Variants in PRXL2B observed in about 807,000 individuals in gnomAD.
PRXL2B encodes prostamide/prostaglandin F synthase.
In PRXL2B, 26 loss-of-function variants were observed where a neutral mutation model predicts 24.4. The observed-to-expected ratio is 1.07, with a 90% confidence interval of 0.78 to 1.48. PRXL2B has a LOEUF of 1.48. PRXL2B is among the 40% of genes most tolerant of loss of function. PRXL2B has a pLI of 0.00. For missense variants in PRXL2B, 269 were observed against 264.8 expected (o/e 1.02, Z -0.11); for synonymous variants, 115 against 118.9 (o/e 0.97, Z 0.21).
In PRXL2B at chr1:2,586,843, C is replaced by A. The variant is rs1354919477; in HGVS notation, c.-43C>A. 1.6e-6 allele frequency: 2 copies of A among 1,282,266 alleles called. No individual in the cohort carries two copies. The highest frequency in any genetic ancestry group is 2.0e-6 in the Non-Finnish European group (2 of 1,015,462). The allele number at this position is 1,282,266 out of a possible 1,614,324, so 79.4% of individuals were successfully genotyped here. A position where few individuals can be genotyped will look rare whatever the true frequency, so the allele number is the denominator to read the frequency against. The stretch of plus-strand genomic sequence containing the variant: ...GGAGCGAGGAGCCGGGAGCGGGGAA[C>A]AGGGAGTCGGGGAGCCGGGAACCAG... On this transcript the variant is annotated 5_prime_UTR_variant, in exon 1 of 7. Coordinates refer to ENST00000419916, the MANE Select transcript of PRXL2B (RefSeq NM_152371.5).
At chr1:2,589,305 G>A (rs1433521322) in intron 6 of PRXL2B, 105 bp from the exon 7 acceptor site, 10 of 1,472,942 alleles carry the variant, frequency 6.8e-6, no homozygotes, top group Admixed American at 1.9e-5. Context: ...GCAGAGAGGC[G>A]TGTCCTCTCA....
In PRXL2B at chr1:2,589,629, A is replaced by C; in HGVS notation, c.*202A>C. ...AGGCTCCGAGCCCTGCATCCTCCAC[A>C]GCCCCCGCCTTGCTCACTGTTGGGC... is the stretch of plus-strand genomic sequence containing the variant. On this transcript the variant is annotated 3_prime_UTR_variant, in exon 7 of 7. Transcript: ENST00000419916. 1.5e-6 allele frequency: 1 copy of C among 686,078 alleles called. No individual in the cohort carries two copies. 42.5% of individuals were successfully genotyped at this position (686,078 alleles called of 1,614,324 possible).
Position 2,590,924 on chromosome 1 carries a change from G to T in PRXL2B, c.*1497G>T. 1 of 1,245,348 alleles carries T rather than the reference G, an allele frequency of 8.0e-7. No individual in the cohort carries two copies. 77.1% of individuals were successfully genotyped at this position (1,245,348 alleles called of 1,614,324 possible). ...GACGTACACTGGGTCGCCGCTAGCT[G>T]CACCTTCGCACAGATGCCTCCGAGC... is the stretch of plus-strand genomic sequence containing the variant. On this transcript the variant is annotated 3_prime_UTR_variant, in exon 7 of 7. Coordinates refer to ENST00000419916, the MANE Select transcript of PRXL2B (RefSeq NM_152371.5).
chr1:2,587,520 C>T lies in PRXL2B; in HGVS notation c.269-221C>T, dbSNP rs1330548387. 1.3e-5 allele frequency among the ~76,000 whole-genome samples: 2 copies of T among 152,142 alleles called. No homozygotes were observed. The highest frequency in any genetic ancestry group is 3.9e-4 in the East Asian group (2 of 5,178). ...GCAGCAGAGTCTGGACGAGCTCTGC[C>T]CCGCCGGCTCCACCTGTTGCCTCTG... is the stretch of plus-strand genomic sequence containing the variant. On this transcript the variant is annotated intron_variant, in intron 2 of 6. Coordinates refer to ENST00000419916, the MANE Select transcript of PRXL2B (RefSeq NM_152371.5). The surrounding 1 kb of genome is among the most constrained non-coding windows in gnomAD (Gnocchi z 6.1).
intron 5 of PRXL2B, 88 bp downstream of exon 5, chr1:2,588,713 C>T (rs577899276): frequency 1.4e-6 from 2 of 1,441,504 alleles, no homozygotes; most frequent in East Asian, 2.3e-5. Context: ...TCTGGCTTGT[C>T]AGTCTCATCA....
chr1:2,590,890 CCGGGG>C lies in PRXL2B; in HGVS notation c.*1468_*1472del. The C allele has an allele frequency of 1.0e-6, 1 of 961,604 alleles. No homozygotes were observed. The highest frequency in any genetic ancestry group is 1.4e-6 in the Non-Finnish European group (1 of 713,414). 59.6% of individuals were successfully genotyped at this position (961,604 alleles called of 1,614,324 possible). On this transcript the variant is annotated 3_prime_UTR_variant, in exon 7 of 7. Coordinates refer to ENST00000419916, the MANE Select transcript of PRXL2B (RefSeq NM_152371.5). ...TGGCAGGCAGGCTTGGCATGGTTGG[CCGGGG>C]CGGGACGTACACTGGGTCGCCGCTA...
chr1:2,587,717 A>C lies in PRXL2B; in HGVS notation c.269-24A>C. 1.3e-6 allele frequency: 2 copies of C among 1,594,380 alleles called. No homozygotes were observed. Among genetic ancestry groups the C allele is most frequent in the South Asian group, 1.1e-5 (1 of 87,850 alleles). On this transcript the variant is annotated intron_variant, in intron 2 of 6. Transcript: ENST00000419916. This position sits in a 1 kb window ranked among gnomAD's most constrained non-coding sequence, Gnocchi z 6.1. The stretch of plus-strand genomic sequence containing the variant: ...GGGGCTGGTTCTGCGCCTGGGGCAC[A>C]CACATGTGGCTTCCGCTTTCCAGAG...
intron 3 of PRXL2B, among the ~76,000 whole-genome samples, chr1:2,588,153 C>G (rs1009571881): frequency 6.6e-6 from 1 of 152,154 alleles, no homozygotes; most frequent in Non-Finnish European, 1.5e-5. Flanking sequence ...AGCCTGGGGC[C>G]CCATCCATGC....
intron 5 of PRXL2B, 97 bp downstream of exon 5, chr1:2,588,722 C>A: frequency 7.2e-7 from 1 of 1,384,068 alleles, no homozygotes; most frequent in Non-Finnish European, 1.0e-6. Flanking sequence ...TCAGTCTCAT[C>A]ACAGCCCCTC....
In PRXL2B at chr1:2,587,107, G is replaced by T. The variant is rs927541533; in HGVS notation, c.80G>T (p.Ser27Ile). The change falls in exon 2 of 7, where the codon AGC (serine) becomes ATC (isoleucine). Residue 27 changes from serine (S) to isoleucine (I), a missense_variant. Coordinates refer to ENST00000419916, the MANE Select transcript of PRXL2B (RefSeq NM_152371.5). This position sits in a 1 kb window ranked among gnomAD's most constrained non-coding sequence, Gnocchi z 6.1. ...AVTGEAVELR[S>I]LWREHACVVA... ...GCCCGGCAGGCCGTGGAGCTGCGGAGCCTGTGGCGGGAGCACGCGTGCGTG... is the reference window on the plus strand; with the variant it reads ...GCCCGGCAGGCCGTGGAGCTGCGGATCCTGTGGCGGGAGCACGCGTGCGTG... The T allele has an allele frequency of 3.9e-6, 6 of 1,540,994 alleles. No individual in the cohort carries two copies. In the African/African-American group the frequency reaches 6.9e-5, roughly 18 times the overall value.
chr1:2,587,755 G>A lies in PRXL2B; in HGVS notation c.283G>A (p.Glu95Lys), dbSNP rs1444380818. The A allele has an allele frequency of 6.2e-7, 1 of 1,604,350 alleles. No individual in the cohort carries two copies. Among genetic ancestry groups the A allele is most frequent in the East Asian group, 2.2e-5 (1 of 44,554 alleles). The change falls in exon 3 of 7, where the codon GAG (glutamate) becomes AAG (lysine). Residue 95 changes from glutamate to lysine, a missense_variant. Physicochemically the swap from Glu to Lys is moderately conservative, Grantham distance 56 (BLOSUM62 1). Transcript: ENST00000419916. The surrounding 1 kb of genome is among the most constrained non-coding windows in gnomAD (Gnocchi z 6.1). ...DYFAGELYLD[E>K]SKQLYKELGF... ...CCGCTTTCCAGAGCTCTACCTGGAT[G>A]AGAGCAAGCAGCTTTACAAGGAGCT...
intron 6 of PRXL2B, 34 bp from the exon 7 acceptor site, chr1:2,589,376 C>G: frequency 6.2e-7 from 1 of 1,610,942 alleles, no homozygotes; most frequent in Non-Finnish European, 8.5e-7. Flanking sequence ...GATCCAGTGT[C>G]CAGCGGCCCC....
intron 6 of PRXL2B, 151 bp from the exon 7 acceptor site, chr1:2,589,258 CT>C: frequency 8.1e-7 from 1 of 1,236,102 alleles, no homozygotes; most frequent in East Asian, 2.3e-5. Context: ...CACCTTGGGA[CT>C]GTCCTCAGAG....
chr1:2,588,241 C>G, intron 3 of PRXL2B, 149 bp from the exon 4 acceptor site: 1 of 960,610 alleles, frequency 1.0e-6, no homozygotes, highest in Non-Finnish European at 1.5e-6. Flanking sequence ...GGGCTGGCTA[C>G]TGATCTGGTC....
rs1644550430 is a variant in PRXL2B at position 2,587,377 on chromosome 1, G to A, written c.268+82G>A. The A allele has an allele frequency of 2.7e-6, 4 of 1,462,168 alleles. No individual in the cohort carries two copies. Among genetic ancestry groups the A allele is most frequent in the South Asian group, 2.4e-5 (2 of 81,964 alleles). The allele number at this position is 1,462,168 out of a possible 1,614,324, so 90.6% of individuals were successfully genotyped here. On this transcript the variant is annotated intron_variant, in intron 2 of 6. Coordinates refer to ENST00000419916, the MANE Select transcript of PRXL2B (RefSeq NM_152371.5). This position sits in a 1 kb window ranked among gnomAD's most constrained non-coding sequence, Gnocchi z 6.1. ...TCGGGGCCCTTTCCTGCCCAACCCC[G>A]GCCCTTCTGTCTGCTGGAGCGGCCT...
Position 2,589,034 on chromosome 1 carries a change from G to T in PRXL2B, c.573G>T (p.Pro191=). ...GISAEVCASD[P]PQCDREV ...CTGCGGAGGTCTGTGCCAGCGACCC[G>T]CCTCAGGTGAGCTGGGCCTTGGGGG... The change falls in exon 6 of 7, where the codon CCG becomes CCT. Residue 191 remains proline (P), a synonymous_variant. Transcript: ENST00000419916. 1 of 1,612,562 alleles carries T rather than the reference G, an allele frequency of 6.2e-7. No individual in the cohort carries two copies. The highest frequency in any genetic ancestry group is 8.5e-7 in the Non-Finnish European group (1 of 1,179,620).
At position 2,588,980 on chromosome 1, in the gene PRXL2B, G is replaced by A. The variant is rs755758710; in HGVS notation, c.519G>A (p.Lys173=). 4 of 1,613,358 alleles carry A rather than the reference G, an allele frequency of 2.5e-6. No homozygotes were observed. The highest frequency in any genetic ancestry group is 1.3e-5 in the African/African-American group (1 of 75,070). The stretch of plus-strand genomic sequence containing the variant: ...AGTCCCCAGGCGACTACGTCCCCAA[G>A]GAGCACATCCTGCAGGTCCTGGGCA... The part of the protein sequence containing the change: ...VQKSPGDYVP[K]EHILQVLGIS... The change falls in exon 6 of 7, where the codon AAG becomes AAA. Residue 173 remains lysine (K), a synonymous_variant. Transcript: ENST00000419916.
chr1:2,586,672 G>C (rs1274967336), upstream of PRXL2B: 3 of 1,167,674 alleles, frequency 2.6e-6, no homozygotes, highest in African/African-American at 4.8e-5. Context: ...GGGCGTGGCC[G>C]GGGCGCGCTG....
chr1:2,586,951 G>T lies in PRXL2B; in HGVS notation c.63+3G>T. ...TGAAGCATGCGGTGACCGGGGAGGT[G>T]AGGCCGGGTGGACGCAGGGCGGTGG... On this transcript the variant is annotated splice_donor_region_variant and intron_variant, in intron 1 of 6. Coordinates refer to ENST00000419916, the MANE Select transcript of PRXL2B (RefSeq NM_152371.5). The T allele has an allele frequency of 7.6e-7, 1 of 1,320,240 alleles. No homozygotes were observed. 81.8% of individuals were successfully genotyped at this position (1,320,240 alleles called of 1,614,324 possible).
Sources: gnomAD v4.1 joint callset for allele counts (sites outside exome capture counted in the v4.1 genomes callset) on GRCh38, gnomAD v4.1.1 for gene constraint, Gnocchi (gnomAD v3.1) non-coding constraint, MANE v1.5 for transcripts, NCBI Gene and HGNC (gene_info 2026-07-23, HGNC 2026-07-21) for gene names.